PTPRF: variants seen among roughly 807,000 people sequenced by gnomAD.
PTPRF encodes receptor-type tyrosine-protein phosphatase F.
A neutral mutation model predicts 201.8 loss-of-function variants in PTPRF; 59 were observed. The observed-to-expected ratio is 0.29, with a 90% CI of 0.24 to 0.36. PTPRF has a LOEUF of 0.36. Ranked by LOEUF, PTPRF falls within the 10% of genes least tolerant of loss-of-function variation. The pLI is 1.00. For synonymous variants in PTPRF, 1,088 were observed against 1,089.7 expected (o/e 1.00, Z 0.03); for missense variants, 2,132 against 2,690.5 (o/e 0.79, Z 4.59).
chr1:43,540,807 C>T (rs1644315902), intron 2 of PTPRF, among the ~76,000 whole-genome samples: 1 of 152,242 alleles, frequency 6.6e-6, no homozygotes, highest in African/African-American at 2.4e-5. Flanking sequence ...CACCCTCTTC[C>T]CCACAGGCCC....
At chr1:43,572,248 G>T (rs992315853) in intron 6 of PTPRF, among the ~76,000 whole-genome samples, 1 of 143,814 alleles carries the variant, frequency 7.0e-6, no homozygotes, top group Non-Finnish European at 1.6e-5. Flanking sequence ...TCAGCTGTAG[G>T]ACAGGTCTTC....
intron 8 of PTPRF, among the ~76,000 whole-genome samples, chr1:43,589,699 A>AGG (rs1557783856): frequency 1.3e-5 from 2 of 148,534 alleles, no homozygotes; most frequent in Admixed American, 6.7e-5. Context: ...CTCTACGAAA[A>AGG]AAAAAAAAAA....
intron 1 of PTPRF, among the ~76,000 whole-genome samples, chr1:43,536,874 C>T (rs1178015911): frequency 2.6e-5 from 4 of 152,118 alleles, no homozygotes; most frequent in Admixed American, 6.5e-5. Context: ...GGCCTTCAGT[C>T]GGTGAGAGTA....
chr1:43,549,506 TGCTCTGCACAGTGCTAG>T (rs1644886932), intron 3 of PTPRF, among the ~76,000 whole-genome samples: 1 of 152,180 alleles, frequency 6.6e-6, no homozygotes. Context: ...CCAAGCTGTG[TGCTCTGCACAGTGCTAG>T]GCCTGTACTA....
intron 5 of PTPRF, among the ~76,000 whole-genome samples, chr1:43,565,929 G>C (rs1646144717): frequency 6.6e-6 from 1 of 152,228 alleles, no homozygotes; most frequent in Non-Finnish European, 1.5e-5. Flanking sequence ...GGCCTGGAGC[G>C]GGGAGGGGCC....
Position 43,606,936 on chromosome 1 carries a change from C to G in PTPRF, c.3825C>G (p.Ile1275Met). The part of the protein sequence containing the change: ...TGPVLAVILI[I>M]LIVIAILLFK... The stretch of plus-strand genomic sequence containing the variant: ...CCGTGCTGGCAGTCATCCTCATCAT[C>G]CTCATTGTCATCGCCATCCTCTTGT... Residue 1275 changes from isoleucine (I) to methionine (M), a missense_variant, in exon 21 of 34, where the codon ATC becomes ATG. Ile to Met is a conservative substitution (Grantham distance 10). Around this residue, in one of 6 missense-constraint regions of PTPRF, gnomAD observed 818 missense variants for 915.3 expected, o/e 0.89. Transcript: ENST00000359947. 3 of 1,614,170 alleles carry G rather than the reference C, an allele frequency of 1.9e-6. No homozygotes were observed. Among genetic ancestry groups the G allele is most frequent in the Non-Finnish European group, 2.5e-6 (3 of 1,180,042 alleles).
chr1:43,612,935 C>A, intron 22 of PTPRF: 1 of 725,516 alleles, frequency 1.4e-6, no homozygotes, highest in Non-Finnish European at 2.1e-6. Context: ...CTCCCCCAAT[C>A]CCACTGTCTC....
At chr1:43,601,509 A>C (rs945656122) in intron 13 of PTPRF, among the ~76,000 whole-genome samples, 1 of 151,820 alleles carries the variant, frequency 6.6e-6, no homozygotes, top group Non-Finnish European at 1.5e-5. Context: ...TTCACCCCCA[A>C]CTCTTACTGT....
intron 29 of PTPRF, 35 bp downstream of exon 29, chr1:43,619,893 C>T (rs187496303): frequency 4.4e-6 from 7 of 1,607,196 alleles, no homozygotes; most frequent in Admixed American, 3.3e-5. Context: ...CCATGCCCTA[C>T]AGGGGCCTAG....
intron 6 of PTPRF, among the ~76,000 whole-genome samples, chr1:43,570,310 C>T (rs1570107599): frequency 6.6e-6 from 1 of 152,348 alleles, no homozygotes; most frequent in East Asian, 1.9e-4. Context: ...GCCCTGGGAG[C>T]AAGGATGCCA....
chr1:43,615,573 T>TC (rs1657606200), intron 23 of PTPRF, among the ~76,000 whole-genome samples: 1 of 128,238 alleles, frequency 7.8e-6, no homozygotes, highest in Non-Finnish European at 1.7e-5. Flanking sequence ...TTTTTTTTTT[T>TC]TTTTTTTTCT....
upstream of PTPRF, among the ~76,000 whole-genome samples, chr1:43,529,340 C>CA (rs894804345): frequency 6.6e-6 from 1 of 152,206 alleles, no homozygotes; most frequent in Non-Finnish European, 1.5e-5. Context: ...AAGTTCAGGA[C>CA]AAAAACAGGC....
chr1:43,579,399 G>T (rs764189788), intron 7 of PTPRF: 3 of 361,814 alleles, frequency 8.3e-6, no homozygotes, highest in African/African-American at 2.1e-5. Flanking sequence ...CCTCAGGAAC[G>T]GACCAGGCCA....
chr1:43,592,091 A>T, intron 10 of PTPRF, 143 bp downstream of exon 10: 1 of 1,197,220 alleles, frequency 8.4e-7, no homozygotes, highest in South Asian at 1.5e-5. Context: ...TTAGTGGTGC[A>T]TGCGTGTCAT....
Position 43,569,796 on chromosome 1 carries a change from G to T in PTPRF, c.568+18G>T, listed in dbSNP as rs1010538905. 1.3e-6 allele frequency: 2 copies of T among 1,596,222 alleles called. No homozygotes were observed. ...GCGTTCAGGTGAGCAGAGGGCAGGG[G>T]TCAAGGGGCCATGCAGACCTCAGAA... On this transcript the variant is annotated intron_variant, in intron 6 of 33. Transcript: ENST00000359947.
Position 43,619,853 on chromosome 1 carries a change from TTA to T in PTPRF, c.5109_5110del (p.Tyr1703Ter), listed in dbSNP as rs1658763675. ...DYINASFLDG[Y>X]RQQKAYIATQ... ...ACATCAATGCCAGCTTCCTGGATGGTTATAGGTCAGCATGCATGTCACTGCCC... is the reference window on the plus strand; with the variant it reads ...ACATCAATGCCAGCTTCCTGGATGGTTAGGTCAGCATGCATGTCACTGCCC... On this transcript the variant is annotated frameshift_variant, in exon 29 of 34. Coordinates refer to ENST00000359947, the MANE Select transcript of PTPRF (RefSeq NM_002840.5). LOFTEE classifies it high-confidence loss of function. 1 of 1,613,828 alleles carries T rather than the reference TTA, an allele frequency of 6.2e-7. No individual in the cohort carries two copies. Among genetic ancestry groups the T allele is most frequent in the Non-Finnish European group, 8.5e-7 (1 of 1,179,884 alleles).
chr1:43,575,465 C>T (rs541100155), intron 6 of PTPRF, among the ~76,000 whole-genome samples: 1 of 152,316 alleles, frequency 6.6e-6, no homozygotes, highest in East Asian at 1.9e-4. Flanking sequence ...TCCCTTTAGC[C>T]TGTGTCCTGT....
At position 43,599,020 on chromosome 1, in the gene PTPRF, G is replaced by A; in HGVS notation, c.2313+107G>A. ...CCTCTTCCCCTGCCTGCCCTCAGCA[G>A]TGCTGTGACTGCCTTTCCTTGGTTG... On this transcript the variant is annotated intron_variant, in intron 13 of 33. Transcript: ENST00000359947. The A allele has an allele frequency of 2.5e-6, 3 of 1,223,644 alleles. No individual in the cohort carries two copies. In the South Asian group the frequency reaches 4.4e-5, roughly 18 times the overall value. 75.8% of individuals were successfully genotyped at this position (1,223,644 alleles called of 1,614,324 possible).
chr1:43,595,612 G>A (rs549234528), intron 11 of PTPRF, among the ~76,000 whole-genome samples: 12 of 152,338 alleles, frequency 7.9e-5, no homozygotes, highest in Non-Finnish European at 1.3e-4. Context: ...GGAAAAGAGG[G>A]TAACTGGTGG....
Sources: gnomAD v4.1 joint callset for allele counts (sites outside exome capture counted in the v4.1 genomes callset) on GRCh38, gnomAD v4.1.1 for gene constraint, gnomAD v4.1.1 regional missense constraint, MANE v1.5 for transcripts, NCBI Gene and HGNC (gene_info 2026-07-23, HGNC 2026-07-21) for gene names.